The following BTBD8 variants were observed in gnomAD, a reference collection of about 807,000 sequenced individuals.
The protein encoded by BTBD8 is BTB/POZ domain-containing protein 8.
Under a neutral mutation model 162.9 loss-of-function variants are expected in BTBD8, and 110 were observed. The observed-to-expected ratio is 0.68, with a 90% CI of 0.58 to 0.79. The LOEUF (loss-of-function observed/expected upper bound fraction) is 0.79. BTBD8 is among the 30% of genes least tolerant of loss of function. The probability of loss-of-function intolerance (pLI) is 0.00; values close to 1 mark genes in which losing one functional copy is unlikely to be tolerated. For synonymous variants in BTBD8, 667 were observed against 716.1 expected (o/e 0.93, Z 1.10); for missense variants, 1,905 against 2,085.4 (o/e 0.91, Z 1.68).
At chr1:92,115,468 C>CT in intron 4 of BTBD8, 1 of 466,374 alleles carries the variant, frequency 2.1e-6, no homozygotes, top group Non-Finnish European at 4.2e-6. Flanking sequence ...GCTCCACCCT[C>CT]TAAGTGAGCC....
intron 4 of BTBD8, among the ~76,000 whole-genome samples, chr1:92,117,214 AT>A (rs1325056485): frequency 6.6e-6 from 1 of 151,598 alleles, no homozygotes; most frequent in East Asian, 1.9e-4. Flanking sequence ...ATATTGACTG[AT>A]TTTTTCCCTC....
chr1:92,140,859 T>C (rs1323810744), intron 6 of BTBD8, among the ~76,000 whole-genome samples: 1 of 152,256 alleles, frequency 6.6e-6, no homozygotes, highest in African/African-American at 2.4e-5. Context: ...ACTTAGTATA[T>C]GAAGGGAATT....
At chr1:92,152,560 T>TC (rs1650069574) in intron 9 of BTBD8, among the ~76,000 whole-genome samples, 1 of 152,150 alleles carries the variant, frequency 6.6e-6, no homozygotes. Flanking sequence ...CTAGGCAGTG[T>TC]CAGTATTCTG....
Position 92,180,570 on chromosome 1 carries a change from T to C in BTBD8, c.2887T>C (p.Ser963Pro). 1.9e-6 allele frequency: 3 copies of C among 1,551,582 alleles called. No homozygotes were observed. Among genetic ancestry groups the C allele is most frequent in the Non-Finnish European group, 1.7e-6 (2 of 1,146,942 alleles). The stretch of plus-strand genomic sequence containing the variant: ...CCAAAGACCTTTAAAACATGAAACA[T>C]CTACTGTCCAAAAAAGTATGTTTCA... ...SSQRPLKHET[S>P]TVQKSMFHDV... The change falls in exon 17 of 18, where the codon TCT becomes CCT. Residue 963 changes from serine to proline, a missense_variant. By Grantham distance (74) the Ser-to-Pro change is moderately conservative. Transcript: ENST00000636805.
chr1:92,126,201 C>T lies in BTBD8; in HGVS notation c.663-3486C>T, dbSNP rs1381437203. ...GCAGGGAGAACCAGGGGATGAGTTC[C>T]TTATTATTCTAGAGGGGCCAGCTGC... On this transcript the variant is annotated intron_variant, in intron 4 of 17. Transcript: ENST00000636805. 11 of 523,800 alleles carry T rather than the reference C, an allele frequency of 2.1e-5. No individual in the cohort carries two copies. The Admixed American group carries it at 2.4e-4, about 11-fold the overall frequency. 32.4% of individuals were successfully genotyped at this position (523,800 alleles called of 1,614,324 possible). A position where few individuals can be genotyped will look rare whatever the true frequency, so the allele number is the denominator to read the frequency against.
rs368117062 is a variant in BTBD8 at position 92,106,949 on chromosome 1, C to A, written c.545-935C>A. ...AGTAGCTGAGCATGGTGGCGTACAC[C>A]TGTAGCCCCAGGTACTTGTGAGGCT... On this transcript the variant is annotated intron_variant, in intron 3 of 17. Coordinates refer to ENST00000636805, the MANE Select transcript of BTBD8 (RefSeq NM_001376131.1). Among the ~76,000 whole-genome samples the A allele has an allele frequency of 2.8e-4, 42 of 152,112 alleles. 1 individual carries two copies. In the South Asian group the frequency reaches 8.5e-3, roughly 31 times the overall value.
chr1:92,168,772 C>G (rs1650454145), intron 11 of BTBD8, 94 bp from the exon 12 acceptor site: 2 of 1,159,646 alleles, frequency 1.7e-6, no homozygotes, highest in East Asian at 5.8e-5. Context: ...CATCATTGAT[C>G]TAGCTTAGGA....
intron 2 of BTBD8, among the ~76,000 whole-genome samples, chr1:92,094,926 C>T (rs946073316): frequency 2.6e-5 from 4 of 152,206 alleles, no homozygotes; most frequent in African/African-American, 7.2e-5. Flanking sequence ...CTTTCTCTGG[C>T]GGTAGCCATT....
rs964655324 is a variant in BTBD8 at position 92,100,770 on chromosome 1, C to T, written c.348-1703C>T. Among the ~76,000 whole-genome samples, 6 of 152,008 alleles carry T rather than the reference C, an allele frequency of 3.9e-5. No individual in the cohort carries two copies. In the South Asian group the frequency reaches 1.0e-3, roughly 26 times the overall value. On this transcript the variant is annotated intron_variant, in intron 2 of 17. Coordinates refer to ENST00000636805, the MANE Select transcript of BTBD8 (RefSeq NM_001376131.1). Reference sequence around the variant, plus strand: ...GATTACAGGCACCCTGTACCACGCCCAGTTAATTTTTTGTATTTTTAGTAG... The same window carrying T: ...GATTACAGGCACCCTGTACCACGCCTAGTTAATTTTTTGTATTTTTAGTAG...
chr1:92,119,386 A>G lies in BTBD8; in HGVS notation c.663-10301A>G, dbSNP rs1314463158. On this transcript the variant is annotated intron_variant, in intron 4 of 17. Coordinates refer to ENST00000636805, the MANE Select transcript of BTBD8 (RefSeq NM_001376131.1). ...CTGCAGCCTTGACCTCTCTAGCTCC[A>G]GTGATCCTCCCACCTCAGCCTCTTG... Among the ~76,000 whole-genome samples, 3 of 145,652 alleles carry G rather than the reference A, an allele frequency of 2.1e-5. No individual in the cohort carries two copies. The East Asian group carries it at 6.1e-4, about 29-fold the overall frequency.
At position 92,119,806 on chromosome 1, in the gene BTBD8, A is replaced by C. The variant is rs144548735; in HGVS notation, c.663-9881A>C. 1.8e-3 allele frequency among the ~76,000 whole-genome samples: 263 copies of C among 147,822 alleles called. 3 individuals are homozygous for C. The highest frequency in any genetic ancestry group is 6.0e-3 in the African/African-American group (240 of 40,038). On this transcript the variant is annotated intron_variant, in intron 4 of 17. Coordinates refer to ENST00000636805, the MANE Select transcript of BTBD8 (RefSeq NM_001376131.1). ...CGAATTTTTTTTGTATTTTTAGTAG[A>C]GATGGGGTTTCACCGTGATCTCGAT...
At chr1:92,159,670 T>C (rs1650240976) in intron 9 of BTBD8, among the ~76,000 whole-genome samples, 1 of 152,238 alleles carries the variant, frequency 6.6e-6, no homozygotes, top group African/African-American at 2.4e-5. Flanking sequence ...CCAGGTTTGG[T>C]ATTCTTGGTC....
intron 6 of BTBD8, among the ~76,000 whole-genome samples, chr1:92,140,340 C>A (rs1649749519): frequency 6.6e-6 from 1 of 152,120 alleles, no homozygotes; most frequent in African/African-American, 2.4e-5. Context: ...GAAATACCAT[C>A]TAAGCCTCTG....
chr1:92,180,812 A>G lies in BTBD8; in HGVS notation c.3129A>G (p.Glu1043=), dbSNP rs543418081. 3.6e-5 allele frequency: 56 copies of G among 1,551,514 alleles called. No homozygotes were observed. In the Middle Eastern group the frequency reaches 6.7e-4, roughly 18 times the overall value. ...KLDKSLKHEL[E]SKQICLDKSE... ...ATAAATCATTAAAACACGAACTGGAATCAAAACAGATTTGTTTAGATAAAA... is the reference window on the plus strand; with the variant it reads ...ATAAATCATTAAAACACGAACTGGAGTCAAAACAGATTTGTTTAGATAAAA... The change falls in exon 17 of 18, where the codon GAA becomes GAG. Residue 1043 remains glutamate (E), a synonymous_variant. Transcript: ENST00000636805.
intron 2 of BTBD8, among the ~76,000 whole-genome samples, chr1:92,091,633 C>T (rs1394859127): frequency 2.6e-5 from 4 of 152,080 alleles, no homozygotes; most frequent in Non-Finnish European, 4.4e-5. Context: ...CTCCCGGTCG[C>T]CATTCTCCTG....
intron 4 of BTBD8, 65 bp from the exon 5 acceptor site, chr1:92,129,622 T>TA (rs1471040287): frequency 9.9e-5 from 129 of 1,302,808 alleles, no homozygotes; most frequent in Non-Finnish European, 1.2e-4. Flanking sequence ...AAAATTTTCA[T>TA]AAAAAATTAC....
chr1:92,177,826 C>A lies in BTBD8; in HGVS notation c.2369C>A (p.Pro790His). Reference sequence around the variant, plus strand: ...TAATTTATAGCCATAAAATCTCGACCTGTTTCAAGAGTTACCAATGGAACT... The same window carrying A: ...TAATTTATAGCCATAAAATCTCGACATGTTTCAAGAGTTACCAATGGAACT... ...KNSTVAIKSR[P>H]VSRVTNGTSN... Residue 790 changes from proline (P) to histidine (H), a missense_variant, in exon 15 of 18, where the codon CCT becomes CAT. Physicochemically the swap from Pro to His is moderately conservative, Grantham distance 77 (BLOSUM62 -2). Around this residue, in one of 3 missense-constraint regions of BTBD8, gnomAD observed 1,374 missense variants for 1,442.7 expected, o/e 0.95. Transcript: ENST00000636805. The A allele has an allele frequency of 6.5e-7, 1 of 1,536,376 alleles. No individual in the cohort carries two copies. The highest frequency in any genetic ancestry group is 8.8e-7 in the Non-Finnish European group (1 of 1,134,250).
chr1:92,159,377 A>G (rs1650235464), intron 9 of BTBD8, among the ~76,000 whole-genome samples: 1 of 151,846 alleles, frequency 6.6e-6, no homozygotes, highest in Admixed American at 6.6e-5. Context: ...GGGTTTTGCC[A>G]TATTGCTCAG....
In BTBD8 at chr1:92,116,303, A is replaced by G. The variant is rs575656688; in HGVS notation, c.662+8302A>G. On this transcript the variant is annotated intron_variant, in intron 4 of 17. Coordinates refer to ENST00000636805, the MANE Select transcript of BTBD8 (RefSeq NM_001376131.1). ...TGTTCCACATGTACTTAAAAAGAAT[A>G]TGTGTTCTGTTGTCCTGTGGTGGAG... 7.2e-5 allele frequency among the ~76,000 whole-genome samples: 11 copies of G among 152,192 alleles called. No homozygotes were observed. The East Asian group carries it at 1.3e-3, about 19-fold the overall frequency.
Sources: allele counts gnomAD v4.1 joint callset (sites outside exome capture counted in the v4.1 genomes callset), GRCh38; gene constraint gnomAD v4.1.1; regional missense constraint gnomAD v4.1.1; transcripts MANE v1.5; gene names NCBI Gene and HGNC (gene_info 2026-07-23, HGNC 2026-07-21).